The following PRKAR1B variants were observed in gnomAD, a reference collection of about 807,000 sequenced individuals.
The protein encoded by PRKAR1B is protein kinase cAMP-dependent type I regulatory subunit beta.
A neutral mutation model predicts 46.5 loss-of-function variants in PRKAR1B; 22 were observed. That is an observed-to-expected ratio of 0.47 (90% CI 0.34 to 0.68). The LOEUF (loss-of-function observed/expected upper bound fraction) is 0.68. PRKAR1B is among the 30% of genes least tolerant of loss of function. The pLI is 0.01. For synonymous variants in PRKAR1B, 259 were observed against 217.7 expected (o/e 1.19, Z -1.67); for missense variants, 445 against 535.6 (o/e 0.83, Z 1.67).
intron 9 of PRKAR1B, among the ~76,000 whole-genome samples, chr7:567,562 T>C (rs1583215899): frequency 7.9e-6 from 1 of 126,826 alleles, no homozygotes; most frequent in African/African-American, 2.6e-5. Context: ...ACCATCACCT[T>C]CATCACCATC....
At chr7:634,029 A>T (rs1490653354) in intron 4 of PRKAR1B, among the ~76,000 whole-genome samples, 2 of 151,804 alleles carry the variant, frequency 1.3e-5, no homozygotes, top group African/African-American at 4.8e-5. Flanking sequence ...AAATAAATAA[A>T]TTTTGTTTTT....
At chr7:573,260 C>T (rs916399667) in intron 9 of PRKAR1B, among the ~76,000 whole-genome samples, 5 of 152,234 alleles carry the variant, frequency 3.3e-5, no homozygotes, top group African/African-American at 9.6e-5. Context: ...CGATACCTTC[C>T]CTCGGGTTGA....
chr7:590,205 C>T (rs1031087740), intron 7 of PRKAR1B, among the ~76,000 whole-genome samples: 3 of 152,234 alleles, frequency 2.0e-5, no homozygotes, highest in African/African-American at 7.2e-5. Flanking sequence ...TGAGCACCAC[C>T]GGCCCAGCAA....
chr7:573,761 T>A (rs920891444), intron 9 of PRKAR1B, among the ~76,000 whole-genome samples: 5 of 152,190 alleles, frequency 3.3e-5, no homozygotes, highest in Admixed American at 3.3e-4. Flanking sequence ...GAAGTTGTGC[T>A]CGCAAGACTG....
rs189502183 is a variant in PRKAR1B, at chr7:682,835, A to G, written c.178-2109T>C. On this transcript the variant is annotated intron_variant, in intron 2 of 10. Transcript: ENST00000537384. ...GTGTGCAGAAGCAATGCTGGCTCAC[A>G]TGACCTGAGTGTTCACCTTGGTCAC... Among the ~76,000 whole-genome samples the G allele has an allele frequency of 3.9e-5, 6 of 152,282 alleles. No individual in the cohort carries two copies. The East Asian group carries it at 1.2e-3, about 29-fold the overall frequency.
At chr7:597,133 C>T (rs1355545199) in intron 6 of PRKAR1B, among the ~76,000 whole-genome samples, 2 of 152,278 alleles carry the variant, frequency 1.3e-5, no homozygotes, top group Non-Finnish European at 2.9e-5. Context: ...CACGCTTTAT[C>T]CCCTCTGGGT....
At chr7:658,775 T>C (rs1431027639) in intron 4 of PRKAR1B, among the ~76,000 whole-genome samples, 1 of 152,008 alleles carries the variant, frequency 6.6e-6, no homozygotes, top group East Asian at 1.9e-4. Context: ...CTCAGCCTCC[T>C]GAGTAGCTGG....
chr7:554,430 C>G (rs1257004032), intron 9 of PRKAR1B, among the ~76,000 whole-genome samples: 1 of 152,264 alleles, frequency 6.6e-6, no homozygotes, highest in Admixed American at 6.5e-5. Context: ...TTATTTTCCT[C>G]TCTCAGAATC....
chr7:627,633 G>A (rs540762025), intron 4 of PRKAR1B, among the ~76,000 whole-genome samples: 152 of 152,312 alleles, frequency 1.0e-3, no homozygotes, highest in African/African-American at 3.3e-3. Context: ...ACAGCAGAGG[G>A]CACTTCCAAT....
At chr7:633,934 C>T (rs570610262) in intron 4 of PRKAR1B, among the ~76,000 whole-genome samples, 13 of 152,280 alleles carry the variant, frequency 8.5e-5, no homozygotes, top group Admixed American at 3.3e-4. Flanking sequence ...CACCTGTAAT[C>T]GCAGCACTTT....
chr7:610,491 A>G (rs1194932143), intron 4 of PRKAR1B, among the ~76,000 whole-genome samples: 4 of 152,202 alleles, frequency 2.6e-5, no homozygotes, highest in Admixed American at 2.6e-4. Flanking sequence ...CTCTGTGATC[A>G]GCAGAGCCCA....
chr7:726,605 G>T, intron 1 of PRKAR1B: 1 of 811,102 alleles, frequency 1.2e-6, no homozygotes, highest in Non-Finnish European at 1.6e-6. Context: ...CGTGCGCACC[G>T]GCGGGGAGGA....
intron 1 of PRKAR1B, among the ~76,000 whole-genome samples, chr7:724,789 C>G (rs1781190876): frequency 6.6e-6 from 1 of 152,226 alleles, no homozygotes; most frequent in Non-Finnish European, 1.5e-5. Flanking sequence ...TCTGGGAGAG[C>G]AGGGACCATG....
At chr7:685,220 TTATA>T (rs1156678173) in intron 2 of PRKAR1B, among the ~76,000 whole-genome samples, 100 of 134,048 alleles carry the variant, frequency 7.5e-4, no homozygotes, top group African/African-American at 2.6e-3. Context: ...ATATAACATG[TTATA>T]TATATATACA....
chr7:640,456 G>A (rs888565617), intron 4 of PRKAR1B, among the ~76,000 whole-genome samples: 2 of 152,090 alleles, frequency 1.3e-5, no homozygotes, highest in Admixed American at 1.3e-4. Flanking sequence ...AGTCATTCAG[G>A]AAATGTGAAT....
At chr7:580,744 CAAAAA>C (rs754143077) in intron 8 of PRKAR1B, among the ~76,000 whole-genome samples, 301 of 117,344 alleles carry the variant, frequency 2.6e-3, no homozygotes, top group African/African-American at 8.4e-3. Flanking sequence ...TCTTTTTTGA[CAAAAA>C]AAAAAAAAAA....
chr7:654,865 C>CA (rs1785112800), intron 4 of PRKAR1B, among the ~76,000 whole-genome samples: 1 of 152,172 alleles, frequency 6.6e-6, no homozygotes, highest in Admixed American at 6.5e-5. Flanking sequence ...CTCATTATCA[C>CA]CATCACCACC....
Position 714,251 on chromosome 7 carries a change from C to T in PRKAR1B, c.-22-2724G>A, listed in dbSNP as rs1310807103. On this transcript the variant is annotated intron_variant, in intron 1 of 10. Coordinates refer to ENST00000537384, the MANE Select transcript of PRKAR1B (RefSeq NM_001164760.2). The surrounding 1 kb of genome is among the most constrained non-coding windows in gnomAD (Gnocchi z 4.3). ...TGTCCTGGGGTTCTCTGGAGACTCC[C>T]TGTAAAGACTTCCCCCACACCGTGC... Among the ~76,000 whole-genome samples, 1 of 152,184 alleles carries T rather than the reference C, an allele frequency of 6.6e-6. No homozygotes were observed. Among genetic ancestry groups the T allele is most frequent in the Non-Finnish European group, 1.5e-5 (1 of 68,024 alleles).
At chr7:557,916 C>A (rs1245740024) in intron 9 of PRKAR1B, among the ~76,000 whole-genome samples, 1 of 152,148 alleles carries the variant, frequency 6.6e-6, no homozygotes, top group African/African-American at 2.4e-5. Flanking sequence ...GTGGCACAAA[C>A]CTGGGAGGAG....
Sources: allele counts gnomAD v4.1 joint callset (sites outside exome capture counted in the v4.1 genomes callset), GRCh38; gene constraint gnomAD v4.1.1; non-coding constraint Gnocchi (gnomAD v3.1); transcripts MANE v1.5; gene names NCBI Gene and HGNC (gene_info 2026-07-23, HGNC 2026-07-21).